IPO9: variants seen among roughly 807,000 people sequenced by gnomAD.
IPO9 encodes the protein importin-9.
A neutral mutation model predicts 128.6 loss-of-function variants in IPO9; 28 were observed. That is an observed-to-expected ratio of 0.22 (90% CI 0.16 to 0.30). The LOEUF is 0.30. IPO9 is among the 10% of genes least tolerant of loss of function. The pLI is 1.00. For missense variants in IPO9, 935 were observed against 1,293.9 expected (o/e 0.72, Z 4.26); for synonymous variants, 455 against 475.8 (o/e 0.96, Z 0.57).
At chr1:201,871,013 A>G (rs1680640725) in intron 18 of IPO9, 148 bp from the exon 19 acceptor site, 39 of 1,274,006 alleles carry the variant, frequency 3.1e-5, no homozygotes, top group Non-Finnish European at 4.1e-5. Flanking sequence ...CCTAAGAAAC[A>G]TGGACAAGGA....
In IPO9 at chr1:201,834,312, A is replaced by G. The variant is rs141139256; in HGVS notation, c.163+4940A>G. Among the ~76,000 whole-genome samples the G allele has an allele frequency of 7.2e-5, 11 of 152,084 alleles. No individual in the cohort carries two copies. In the East Asian group the frequency reaches 1.9e-3, roughly 27 times the overall value. On this transcript the variant is annotated intron_variant, in intron 1 of 23. Coordinates refer to ENST00000361565, the MANE Select transcript of IPO9 (RefSeq NM_018085.5). ...AGCACTTTACAAACATAGTAGTTAAAAAGACTGGAGAGGTTATGAACCACC... is the reference window on the plus strand; with the variant it reads ...AGCACTTTACAAACATAGTAGTTAAGAAGACTGGAGAGGTTATGAACCACC...
Position 201,874,241 on chromosome 1 carries a change from C to T in IPO9, c.2711-9C>T. 1 of 1,613,260 alleles carries T rather than the reference C, an allele frequency of 6.2e-7. No homozygotes were observed. ...CACTCTGACTTGAAACCTTTTTCTT[C>T]CTTCCCAGACCCAGAACGCTGGACA... On this transcript the variant is annotated splice_polypyrimidine_tract_variant and intron_variant, in intron 20 of 23. Transcript: ENST00000361565.
chr1:201,842,581 T>G (rs1240735045), intron 1 of IPO9, among the ~76,000 whole-genome samples: 1 of 152,164 alleles, frequency 6.6e-6, no homozygotes, highest in African/African-American at 2.4e-5. Context: ...ACTTTGGAGT[T>G]TCTGAGGATT....
At chr1:201,847,524 T>C in intron 2 of IPO9, 28 bp from the exon 3 acceptor site, 2 of 1,578,734 alleles carry the variant, frequency 1.3e-6, no homozygotes, top group Non-Finnish European at 1.7e-6. Context: ...TTTTTCTTGC[T>C]GTACTACTTG....
chr1:201,832,110 C>T (rs1235331601), intron 1 of IPO9, among the ~76,000 whole-genome samples: 1 of 151,312 alleles, frequency 6.6e-6, no homozygotes, highest in Non-Finnish European at 1.5e-5. Context: ...CCATGTTGGC[C>T]AGGTTGTCTC....
rs1558225640 is a variant in IPO9, at chr1:201,873,329, C to T, written c.2710+368C>T. Among the ~76,000 whole-genome samples, 3 of 151,178 alleles carry T rather than the reference C, an allele frequency of 2.0e-5. No individual in the cohort carries two copies. In the East Asian group the frequency reaches 5.9e-4, roughly 30 times the overall value. On this transcript the variant is annotated intron_variant, in intron 20 of 23. Transcript: ENST00000361565. Reference sequence around the variant, plus strand: ...GCATGGTGGTGGGCGCCTGTAATCCCAGCTACTTGGGAGGCTGAGGCAGGA... The same window carrying T: ...GCATGGTGGTGGGCGCCTGTAATCCTAGCTACTTGGGAGGCTGAGGCAGGA...
rs1006350637 is a variant in IPO9, at chr1:201,878,108, C to A, written c.*2054C>A. 3.3e-5 allele frequency: 5 copies of A among 152,178 alleles called. No individual in the cohort carries two copies. Among genetic ancestry groups the A allele is most frequent in the Non-Finnish European group, 4.4e-5 (3 of 68,054 alleles). The allele number at this position is 152,178 out of a possible 1,614,324, so 9.4% of individuals were successfully genotyped here. A position where few individuals can be genotyped will look rare whatever the true frequency, so the allele number is the denominator to read the frequency against. The stretch of plus-strand genomic sequence containing the variant: ...TTACTACCTTTGAGAAGCCTGCGGG[C>A]ATGTTCACAGTCGTCCCATGCCAGC... On this transcript the variant is annotated 3_prime_UTR_variant, in exon 24 of 24. Coordinates refer to ENST00000361565, the MANE Select transcript of IPO9 (RefSeq NM_018085.5).
chr1:201,841,993 G>T (rs978571421), intron 1 of IPO9, among the ~76,000 whole-genome samples: 1 of 152,192 alleles, frequency 6.6e-6, no homozygotes, highest in Non-Finnish European at 1.5e-5. Flanking sequence ...CAAGCAGTCA[G>T]TTCTGTAGTG....
In IPO9 at chr1:201,854,711, A is replaced by C; in HGVS notation, c.807A>C (p.Leu269=). 6.2e-7 allele frequency: 1 copy of C among 1,614,116 alleles called. No individual in the cohort carries two copies. Among genetic ancestry groups the C allele is most frequent in the Non-Finnish European group, 8.5e-7 (1 of 1,180,000 alleles). The part of the protein sequence containing the change: ...TSDSGFKMEV[L]KAVTALVKNF... ...ACAGTGGGTTTAAGATGGAGGTCCTAAAGGTAAACACTTACTACCAATGAA... is the reference window on the plus strand; with the variant it reads ...ACAGTGGGTTTAAGATGGAGGTCCTCAAGGTAAACACTTACTACCAATGAA... The change falls in exon 7 of 24, where the codon CTA becomes CTC. Residue 269 remains leucine, a synonymous_variant. Transcript: ENST00000361565.
At chr1:201,829,404 T>C in intron 1 of IPO9, 32 bp downstream of exon 1, 1 of 1,525,874 alleles carries the variant, frequency 6.6e-7, no homozygotes, top group Non-Finnish European at 8.8e-7. Context: ...CGAGGATGGC[T>C]CAGCCGCACA....
At chr1:201,865,148 AGCCAATT>A in intron 14 of IPO9, among the ~76,000 whole-genome samples, 1 of 151,268 alleles carries the variant, frequency 6.6e-6, no homozygotes, top group South Asian at 2.1e-4. Flanking sequence ...TTAGTTTACC[AGCCAATT>A]GCAGACTGGC....
At position 201,854,878 on chromosome 1, in the gene IPO9, A is replaced by G; in HGVS notation, c.866A>G (p.Gln289Arg). The change falls in exon 8 of 24, where the codon CAG becomes CGG. Residue 289 changes from glutamine to arginine, a missense_variant. Around this residue, in one of 3 missense-constraint regions of IPO9, gnomAD observed 741 missense variants for 1,019.1 expected, o/e 0.73. Transcript: ENST00000361565. ...AAGCACATGGTGTCCTCCATGCAGC[A>G]GATTCTGCCTATTGTTTGGAACACC... is the stretch of plus-strand genomic sequence containing the variant. ...FPKHMVSSMQ[Q>R]ILPIVWNTLT... The G allele has an allele frequency of 6.2e-7, 1 of 1,611,482 alleles. No individual in the cohort carries two copies. The highest frequency in any genetic ancestry group is 1.3e-5 in the African/African-American group (1 of 74,826).
intron 20 of IPO9, 122 bp downstream of exon 20, chr1:201,873,083 TAAA>T: frequency 8.8e-7 from 1 of 1,142,730 alleles, no homozygotes; most frequent in Admixed American, 3.2e-5. Flanking sequence ...ATGGGTTTGA[TAAA>T]GAAGAAGCAG....
Position 201,848,461 on chromosome 1 carries a change from T to C in IPO9, c.381T>C (p.Ser127=), listed in dbSNP as rs760434684. Residue 127 remains serine (S), a synonymous_variant, in exon 4 of 24, where the codon AGT becomes AGC. Transcript: ENST00000361565. ...LRESISKVRS[S]VAYAVSAIAH... The stretch of plus-strand genomic sequence containing the variant: ...AATCGATAAGCAAAGTGCGCTCCAG[T>C]GTGGCCTATGCAGTGTCAGCCATTG... 6.2e-7 allele frequency: 1 copy of C among 1,614,198 alleles called. No individual in the cohort carries two copies. The highest frequency in any genetic ancestry group is 2.2e-5 in the East Asian group (1 of 44,888).
chr1:201,859,179 T>TAATA (rs1278668210), intron 13 of IPO9, among the ~76,000 whole-genome samples, 185 bp downstream of exon 13: 3,008 of 7,062 alleles, frequency 0.43, 327 homozygotes, highest in South Asian at 0.5. Flanking sequence ...ACTCAAAGTA[T>TAATA]AATATATATA....
At chr1:201,851,804 T>C (rs557498873) in intron 4 of IPO9, among the ~76,000 whole-genome samples, 60 of 152,370 alleles carry the variant, frequency 3.9e-4, no homozygotes, top group Non-Finnish European at 7.3e-4. Flanking sequence ...TTTCCCAAGT[T>C]GACCTCACAA....
chr1:201,847,500 G>A (rs368439523), intron 2 of IPO9, 52 bp from the exon 3 acceptor site: 4 of 1,494,796 alleles, frequency 2.7e-6, no homozygotes, highest in Non-Finnish European at 3.7e-6. Context: ...TAGTTTTTAT[G>A]TGTGAAAAAA....
intron 1 of IPO9, among the ~76,000 whole-genome samples, chr1:201,843,133 C>G (rs1210460902): frequency 6.6e-6 from 1 of 152,208 alleles, no homozygotes; most frequent in African/African-American, 2.4e-5. Flanking sequence ...TCAGTGCACC[C>G]CCTTCAGATA....
Position 201,878,965 on chromosome 1 carries a change from G to A in IPO9, c.*2911G>A, listed in dbSNP as rs139604035. 1 of 152,316 alleles carries A rather than the reference G, an allele frequency of 6.6e-6. No individual in the cohort carries two copies. The highest frequency in any genetic ancestry group is 1.5e-5 in the Non-Finnish European group (1 of 68,032). The allele number at this position is 152,316 out of a possible 1,614,324, so 9.4% of individuals were successfully genotyped here. ...ACAAATGAGGTAAAAATAAAAAAGAGCACTTAGCTGCTCTGAGACATTTTA... is the reference window on the plus strand; with the variant it reads ...ACAAATGAGGTAAAAATAAAAAAGAACACTTAGCTGCTCTGAGACATTTTA... On this transcript the variant is annotated 3_prime_UTR_variant, in exon 24 of 24. Coordinates refer to ENST00000361565, the MANE Select transcript of IPO9 (RefSeq NM_018085.5).
Sources: gnomAD v4.1 joint callset for allele counts (sites outside exome capture counted in the v4.1 genomes callset) on GRCh38, gnomAD v4.1.1 for gene constraint, gnomAD v4.1.1 regional missense constraint, MANE v1.5 for transcripts, NCBI Gene and HGNC (gene_info 2026-07-23, HGNC 2026-07-21) for gene names.